GALNT11: variants seen among roughly 807,000 people sequenced by gnomAD.
GALNT11 encodes UDP-GalNAc:polypeptide N-acetylgalactosaminyltransferase 11.
A neutral mutation model predicts 72.7 loss-of-function variants in GALNT11; 47 were observed. That is an observed-to-expected ratio of 0.65 (90% CI 0.51 to 0.82). The LOEUF (loss-of-function observed/expected upper bound fraction) is 0.82. Among genes scored for constraint, GALNT11 ranks in the 40% least tolerant of loss-of-function variants. The pLI, the probability that GALNT11 is intolerant of heterozygous loss-of-function variation, is 0.00. For synonymous variants in GALNT11, 270 were observed against 286.6 expected (o/e 0.94, Z 0.58); for missense variants, 677 against 778.4 (o/e 0.87, Z 1.55).
intron 1 of GALNT11, among the ~76,000 whole-genome samples, chr7:152,069,985 TTTTTTC>T (rs1185521088): frequency 2.0e-5 from 3 of 147,158 alleles, no homozygotes; most frequent in Admixed American, 1.3e-4. Flanking sequence ...TTCTTTTTTC[TTTTTTC>T]TTTTTCTTTT....
intron 8 of GALNT11, among the ~76,000 whole-genome samples, chr7:152,114,621 C>T (rs775390212): frequency 1.1e-4 from 17 of 151,588 alleles, no homozygotes; most frequent in East Asian, 3.9e-4. Flanking sequence ...AGTGCAACGG[C>T]GCAATCTCGG....
At chr7:152,103,410 AC>A in intron 4 of GALNT11, 132 bp downstream of exon 4, 3 of 818,810 alleles carry the variant, frequency 3.7e-6, no homozygotes, top group Non-Finnish European at 5.6e-6. Context: ...AGCTGGGCTG[AC>A]CACAAATAAG....
At chr7:152,079,427 GTC>G (rs1349041893) in intron 1 of GALNT11, 9 of 152,170 alleles carry the variant, frequency 5.9e-5, no homozygotes, top group African/African-American at 1.7e-4. Flanking sequence ...CATGTTGTTT[GTC>G]CTTTTAGTTT....
At chr7:152,042,862 T>A (rs2082931831) in intron 1 of GALNT11, among the ~76,000 whole-genome samples, 1 of 152,202 alleles carries the variant, frequency 6.6e-6, no homozygotes, top group Non-Finnish European at 1.5e-5. Context: ...CTTTAGGGGC[T>A]TTACCACTCC....
rs1296197018 is a variant in GALNT11 at position 152,035,882 on chromosome 7, C to T, written c.-39+9998C>T. Among the ~76,000 whole-genome samples, 3 of 152,174 alleles carry T rather than the reference C, an allele frequency of 2.0e-5. No individual in the cohort carries two copies. In the East Asian group the frequency reaches 5.8e-4, roughly 29 times the overall value. ...AAGGGGTTTTACAGTCCTCTATAAGCAGGAATTGTCCCAGTCTGATGTGGC... is the reference window on the plus strand; with the variant it reads ...AAGGGGTTTTACAGTCCTCTATAAGTAGGAATTGTCCCAGTCTGATGTGGC... On this transcript the variant is annotated intron_variant, in intron 1 of 11. Transcript: ENST00000430044.
chr7:152,050,847 C>T (rs2083358973), intron 1 of GALNT11, among the ~76,000 whole-genome samples: 1 of 152,204 alleles, frequency 6.6e-6, no homozygotes, highest in Non-Finnish European at 1.5e-5. Flanking sequence ...TAAATGCTTC[C>T]TCTGTGGGCG....
At chr7:152,102,097 CTTATA>C (rs2086975736) in intron 3 of GALNT11, among the ~76,000 whole-genome samples, 1 of 151,932 alleles carries the variant, frequency 6.6e-6, no homozygotes, top group Admixed American at 6.6e-5. Context: ...AATATAAAGT[CTTATA>C]TTTGTTTCCT....
In GALNT11 at chr7:152,073,333, T is replaced by G. The variant is rs183589460; in HGVS notation, c.-38-20857T>G. On this transcript the variant is annotated intron_variant, in intron 1 of 11. Transcript: ENST00000430044. ...CGCCCACCCTTCCCAGCCTCTAGTA[T>G]CCTCTGTTCTGATTTTTCTGTGAGA... is the stretch of plus-strand genomic sequence containing the variant. Among the ~76,000 whole-genome samples the G allele has an allele frequency of 3.6e-4, 55 of 152,314 alleles. 1 individual carries two copies. The highest frequency in any genetic ancestry group is 2.3e-3 in the East Asian group (12 of 5,180).
intron 2 of GALNT11, among the ~76,000 whole-genome samples, chr7:152,099,471 C>A (rs2086632227): frequency 1.4e-5 from 2 of 146,320 alleles, no homozygotes; most frequent in African/African-American, 5.0e-5. Flanking sequence ...TTAAGAGATT[C>A]TCCTGCCTTA....
intron 1 of GALNT11, among the ~76,000 whole-genome samples, chr7:152,026,459 A>C (rs1403156916): frequency 6.6e-6 from 1 of 152,224 alleles, no homozygotes; most frequent in Non-Finnish European, 1.5e-5. Flanking sequence ...GGACCTCCAC[A>C]TCTTTACCCT....
intron 1 of GALNT11, among the ~76,000 whole-genome samples, chr7:152,090,509 A>G (rs1251357448): frequency 6.6e-6 from 1 of 152,222 alleles, no homozygotes; most frequent in Admixed American, 6.5e-5. Flanking sequence ...AAATCTCTGT[A>G]GTGTTCATTT....
chr7:152,035,873 C>T (rs1488567487), intron 1 of GALNT11, among the ~76,000 whole-genome samples: 1 of 152,164 alleles, frequency 6.6e-6, no homozygotes, highest in African/African-American at 2.4e-5. Flanking sequence ...TTTTACAGTC[C>T]TCTATAAGCA....
Position 152,067,357 on chromosome 7 carries a change from G to A in GALNT11, c.-38-26833G>A, listed in dbSNP as rs538803571. ...ATGTGCACAGCCCACCCTTGAGGGC[G>A]AAGTGTCTAAATTATTTGGAATTCT... On this transcript the variant is annotated intron_variant, in intron 1 of 11. Coordinates refer to ENST00000430044, the MANE Select transcript of GALNT11 (RefSeq NM_022087.4). Among the ~76,000 whole-genome samples the A allele has an allele frequency of 4.5e-4, 69 of 152,326 alleles. No homozygotes were observed. The South Asian group carries it at 8.9e-3, about 20-fold the overall frequency.
intron 1 of GALNT11, among the ~76,000 whole-genome samples, chr7:152,037,117 G>GTATGCTGT (rs2082618151): frequency 6.6e-6 from 1 of 152,096 alleles, no homozygotes; most frequent in Non-Finnish European, 1.5e-5. Context: ...TGCTGTGGTG[G>GTATGCTGT]GGTATTACTC....
At chr7:152,075,796 C>CAAAA (rs775384082) in intron 1 of GALNT11, among the ~76,000 whole-genome samples, 7 of 109,372 alleles carry the variant, frequency 6.4e-5, no homozygotes, top group African/African-American at 1.8e-4. Context: ...AACTCTGTCT[C>CAAAA]AAAAAAAAAA....
chr7:152,098,407 A>G (rs1206896811), intron 2 of GALNT11, among the ~76,000 whole-genome samples: 1 of 152,126 alleles, frequency 6.6e-6, no homozygotes, highest in Non-Finnish European at 1.5e-5. Flanking sequence ...CCTGGGGGAC[A>G]GAGCAAGACC....
chr7:152,031,813 C>T (rs1286716209), intron 1 of GALNT11, among the ~76,000 whole-genome samples: 1 of 152,164 alleles, frequency 6.6e-6, no homozygotes, highest in Non-Finnish European at 1.5e-5. Context: ...TCCCATTCTA[C>T]TAGATGAGTA....
intron 1 of GALNT11, among the ~76,000 whole-genome samples, chr7:152,069,285 A>G (rs1294369715): frequency 6.6e-6 from 1 of 152,088 alleles, no homozygotes; most frequent in Non-Finnish European, 1.5e-5. Context: ...GTTATTTGAG[A>G]CCATGTTTTG....
At chr7:152,090,661 C>G (rs1428721889) in intron 1 of GALNT11, among the ~76,000 whole-genome samples, 1 of 150,368 alleles carries the variant, frequency 6.7e-6, no homozygotes, top group Non-Finnish European at 1.5e-5. Flanking sequence ...CCCACCCCAC[C>G]CCACCCTGCA....
Sources: allele counts gnomAD v4.1 joint callset (sites outside exome capture counted in the v4.1 genomes callset), GRCh38; gene constraint gnomAD v4.1.1; transcripts MANE v1.5; gene names NCBI Gene and HGNC (gene_info 2026-07-23, HGNC 2026-07-21).